Variants in EXOC6B observed in about 807,000 individuals in gnomAD.
EXOC6B encodes exocyst complex component 6B.
A neutral mutation model predicts 113.5 loss-of-function variants in EXOC6B; 54 were observed. The ratio of observed to expected loss-of-function variants is 0.48; its 90% confidence interval spans 0.38 to 0.60. EXOC6B has a LOEUF of 0.60. EXOC6B is among the 20% of genes least tolerant of loss of function. EXOC6B has a pLI of 0.00. For missense variants in EXOC6B, 797 were observed against 977.5 expected, an observed-to-expected ratio of 0.82 and a Z score of 2.46; for synonymous variants, 357 against 339.0, an observed-to-expected ratio of 1.05 and a Z score of -0.58.
At chr2:72,764,364 C>CT (rs397869115) in intron 1 of EXOC6B, among the ~76,000 whole-genome samples, 4,249 of 66,242 alleles carry the variant, frequency 0.064, 420 homozygotes, top group African/African-American at 0.12. Context: ...TATTTTCTCT[C>CT]TTTTTTTTTT....
At chr2:72,480,530 T>A in intron 17 of EXOC6B, 86 bp downstream of exon 17, 1 of 1,216,118 alleles carries the variant, frequency 8.2e-7, no homozygotes, top group Non-Finnish European at 1.1e-6. Flanking sequence ...TTATAAACCA[T>A]CTTACAGAAA....
chr2:72,525,858 C>G (rs1249911890), intron 8 of EXOC6B, among the ~76,000 whole-genome samples: 1 of 152,018 alleles, frequency 6.6e-6, no homozygotes, highest in East Asian at 1.9e-4. Flanking sequence ...ATTATTTGCC[C>G]AGAAATAGGA....
intron 20 of EXOC6B, among the ~76,000 whole-genome samples, chr2:72,189,105 G>C (rs1301040387): frequency 6.6e-6 from 1 of 152,136 alleles, no homozygotes; most frequent in East Asian, 1.9e-4. Flanking sequence ...TTTGTAAGTT[G>C]ACCCAGTAAT....
At chr2:72,315,499 T>C (rs1268876673) in intron 20 of EXOC6B, among the ~76,000 whole-genome samples, 1 of 152,158 alleles carries the variant, frequency 6.6e-6, no homozygotes, top group Non-Finnish European at 1.5e-5. Flanking sequence ...TTTATTGTCC[T>C]ACTGATTATG....
intron 1 of EXOC6B, among the ~76,000 whole-genome samples, chr2:72,768,121 TAAAA>T (rs70963144): frequency 3.7e-5 from 4 of 108,406 alleles, no homozygotes; most frequent in Admixed American, 1.0e-4. Flanking sequence ...GAGACTCCGT[TAAAA>T]AAAAAAAAAA....
intron 1 of EXOC6B, among the ~76,000 whole-genome samples, chr2:72,810,382 A>C (rs1489610889): frequency 2.7e-5 from 4 of 150,482 alleles, no homozygotes; most frequent in East Asian, 1.9e-4. Flanking sequence ...TAAATAAATA[A>C]ATAAAATACA....
Position 72,186,080 on chromosome 2 carries a change from C to G in EXOC6B, c.2197-1893G>C, listed in dbSNP as rs541653674. On this transcript the variant is annotated intron_variant, in intron 20 of 21. Transcript: ENST00000272427. ...TCCTTACAAAGTACATGAACTCATC[C>G]TTTTTTATGGCTGCATAGTATTCCA... 3.5e-4 allele frequency among the ~76,000 whole-genome samples: 53 copies of G among 152,206 alleles called. 2 individuals carry two copies. The South Asian group carries it at 0.011, about 31-fold the overall frequency.
chr2:72,548,662 A>C (rs1703038113), intron 8 of EXOC6B, among the ~76,000 whole-genome samples: 1 of 152,178 alleles, frequency 6.6e-6, no homozygotes, highest in Non-Finnish European at 1.5e-5. Flanking sequence ...AAAATCAAAA[A>C]CAAACATTTA....
chr2:72,412,074 G>A (rs1573062922), intron 18 of EXOC6B, among the ~76,000 whole-genome samples: 2 of 152,124 alleles, frequency 1.3e-5, no homozygotes, highest in East Asian at 3.9e-4. Flanking sequence ...AAAAATTAAT[G>A]AATGGCATAA....
chr2:72,648,417 A>G (rs1341917660), intron 6 of EXOC6B, among the ~76,000 whole-genome samples: 1 of 152,230 alleles, frequency 6.6e-6, no homozygotes, highest in Non-Finnish European at 1.5e-5. Context: ...TGACCCAGCC[A>G]TCCCATTACT....
intron 19 of EXOC6B, among the ~76,000 whole-genome samples, chr2:72,357,413 T>G (rs1245964453): frequency 3.9e-5 from 6 of 152,196 alleles, no homozygotes; most frequent in African/African-American, 1.2e-4. Flanking sequence ...GGAACTGGGC[T>G]GGGTATGGTG....
intron 6 of EXOC6B, among the ~76,000 whole-genome samples, chr2:72,599,822 C>A (rs144035538): frequency 6.6e-6 from 1 of 151,554 alleles, no homozygotes; most frequent in African/African-American, 2.4e-5. Flanking sequence ...GAAACAATTA[C>A]GTATAAATCT....
chr2:72,658,030 T>A (rs1036267167), intron 6 of EXOC6B, among the ~76,000 whole-genome samples: 5 of 150,228 alleles, frequency 3.3e-5, no homozygotes, highest in Non-Finnish European at 5.9e-5. Flanking sequence ...ATAATTAAAA[T>A]AAAGCACTAC....
At chr2:72,203,535 G>A (rs974352504) in intron 20 of EXOC6B, among the ~76,000 whole-genome samples, 5 of 152,054 alleles carry the variant, frequency 3.3e-5, no homozygotes, top group Non-Finnish European at 5.9e-5. Context: ...CTGCTCAACT[G>A]GACTTCCATT....
At chr2:72,469,412 T>C (rs1698262355) in intron 17 of EXOC6B, among the ~76,000 whole-genome samples, 1 of 152,106 alleles carries the variant, frequency 6.6e-6, no homozygotes. Context: ...AGATCCTTCT[T>C]CTTTCTAATA....
At chr2:72,306,879 C>T (rs941142938) in intron 20 of EXOC6B, among the ~76,000 whole-genome samples, 2 of 152,054 alleles carry the variant, frequency 1.3e-5, no homozygotes, top group African/African-American at 4.8e-5. Context: ...TAGATAATTC[C>T]ATTTTATTTA....
At chr2:72,580,127 A>AT (rs768066517) in intron 6 of EXOC6B, among the ~76,000 whole-genome samples, 121 of 151,464 alleles carry the variant, frequency 8.0e-4, no homozygotes, top group Non-Finnish European at 1.4e-3. Flanking sequence ...TCTGAAAAAG[A>AT]AATAAGAATT....
rs1677786384 is a variant in EXOC6B, at chr2:72,177,218, T to A, written c.*2117A>T. ...CCCTATTCCTCCACCTTGTTCACTT[T>A]TTCCTGTATAGCACAGTTCTTCCAA... On this transcript the variant is annotated 3_prime_UTR_variant, in exon 22 of 22. Coordinates refer to ENST00000272427, the MANE Select transcript of EXOC6B (RefSeq NM_015189.3). 6.6e-6 allele frequency: 1 copy of A among 152,232 alleles called. No homozygotes were observed. Among genetic ancestry groups the A allele is most frequent in the Non-Finnish European group, 1.5e-5 (1 of 68,050 alleles). The allele number at this position is 152,232 out of a possible 1,614,324, so 9.4% of individuals were successfully genotyped here.
chr2:72,516,543 G>A (rs1276629580), intron 8 of EXOC6B, among the ~76,000 whole-genome samples: 1 of 152,096 alleles, frequency 6.6e-6, no homozygotes, highest in Non-Finnish European at 1.5e-5. Context: ...GCCCGGCCCT[G>A]AATTCTACTC....
Sources: gnomAD v4.1 joint callset for allele counts (sites outside exome capture counted in the v4.1 genomes callset) on GRCh38, gnomAD v4.1.1 for gene constraint, MANE v1.5 for transcripts, NCBI Gene and HGNC (gene_info 2026-07-23, HGNC 2026-07-21) for gene names.